The following MACF1 variants were observed in gnomAD, a reference collection of about 807,000 sequenced individuals.
MACF1 encodes the protein microtubule actin crosslinking factor 1, also known as microtubule-actin cross-linking factor 1.
Under a neutral mutation model 854.8 loss-of-function variants are expected in MACF1, and 193 were observed. The observed-to-expected ratio is 0.23, with a 90% CI of 0.20 to 0.25. The LOEUF (loss-of-function observed/expected upper bound fraction) is 0.25, where lower values mean the gene tolerates loss of function less well. MACF1 is among the 10% of genes least tolerant of loss of function. MACF1 has a pLI of 1.00. For missense variants in MACF1, 7,722 were observed against 8,929.1 expected, an observed-to-expected ratio of 0.86 and a Z score of 5.45; for synonymous variants, 3,185 against 3,226.7, an observed-to-expected ratio of 0.99 and a Z score of 0.44.
intron 41 of MACF1, among the ~76,000 whole-genome samples, chr1:39,348,268 A>T (rs1647101963): frequency 6.6e-6 from 1 of 152,224 alleles, no homozygotes; most frequent in Non-Finnish European, 1.5e-5. Context: ...AGCATGATAT[A>T]ACCTTTGGAT....
intron 3 of MACF1, among the ~76,000 whole-genome samples, chr1:39,250,576 A>ATTT: frequency 6.6e-6 from 1 of 151,514 alleles, no homozygotes; most frequent in African/African-American, 2.4e-5. Flanking sequence ...GTATGAAGTT[A>ATTT]TTTTTTTTTC....
rs1344335832 is a variant in MACF1 at position 39,460,060 on chromosome 1, A to G, written c.21361-572A>G. ...GGCCTGCTGTTTTCCATCAAGGCCAAATATTTAACATGGAGGTCAGATGGG... is the reference window on the plus strand; with the variant it reads ...GGCCTGCTGTTTTCCATCAAGGCCAGATATTTAACATGGAGGTCAGATGGG... On this transcript the variant is annotated intron_variant, in intron 91 of 100. Coordinates refer to ENST00000564288, the MANE Select transcript of MACF1 (RefSeq NM_001394062.1). This position sits in a 1 kb window ranked among gnomAD's most constrained non-coding sequence, Gnocchi z 4.1. Among the ~76,000 whole-genome samples the G allele has an allele frequency of 6.6e-6, 1 of 152,226 alleles. No individual in the cohort carries two copies. The highest frequency in any genetic ancestry group is 2.4e-5 in the African/African-American group (1 of 41,450).
At chr1:39,369,571 A>G (rs1249884324) in intron 50 of MACF1, among the ~76,000 whole-genome samples, 1 of 152,182 alleles carries the variant, frequency 6.6e-6, no homozygotes, top group Non-Finnish European at 1.5e-5. Flanking sequence ...TAGTTTATTC[A>G]TTGGCATCAT....
In MACF1 at chr1:39,190,401, G is replaced by GT. The variant is rs71057198; in HGVS notation, c.221-40763dup. On this transcript the variant is annotated intron_variant, in intron 2 of 93. Transcript: ENST00000361689. ...TGTGTGTGTGTGTGTGTTTGTTTTT[G>GT]TTTTTTTTTTTTTTTTTTGATGGAA... 5.5e-3 allele frequency among the ~76,000 whole-genome samples: 587 copies of GT among 105,952 alleles called. 8 individuals are homozygous for GT. The highest frequency in any genetic ancestry group is 0.018 in the South Asian group (58 of 3,152). 69.5% of individuals were successfully genotyped at this position (105,952 alleles called of 152,430 possible).
At chr1:39,435,971 G>T (rs1418629353) in intron 70 of MACF1, 5 of 559,022 alleles carry the variant, frequency 8.9e-6, no homozygotes, top group Admixed American at 6.6e-5. Context: ...ATGAGTCTTG[G>T]CTGGTATATA....
At chr1:39,453,911 A>G in intron 88 of MACF1, 61 bp downstream of exon 88, 2 of 1,527,274 alleles carry the variant, frequency 1.3e-6, no homozygotes, top group Non-Finnish European at 1.8e-6. Context: ...ATAGTATAGT[A>G]TAGTATTTTT....
In MACF1 at chr1:39,400,437, T is replaced by A. The variant is rs191093003; in HGVS notation, c.15816+11779T>A. Reference sequence around the variant, plus strand: ...CACTAGATGATAATATGCTTTTTTTTAAAAAGAAGCTTATCTAGACATATA... The same window carrying A: ...CACTAGATGATAATATGCTTTTTTTAAAAAAGAAGCTTATCTAGACATATA... On this transcript the variant is annotated intron_variant, in intron 58 of 100. Coordinates refer to ENST00000564288, the MANE Select transcript of MACF1 (RefSeq NM_001394062.1). Among the ~76,000 whole-genome samples, 1,350 of 152,240 alleles carry A rather than the reference T, an allele frequency of 8.9e-3. 18 individuals carry two copies. Among genetic ancestry groups the A allele is most frequent in the African/African-American group, 0.029 (1,213 of 41,560 alleles).
At chr1:39,427,312 G>A (rs545509158) in intron 61 of MACF1, 143 bp from the exon 62 acceptor site, 61 of 609,634 alleles carry the variant, frequency 1.0e-4, no homozygotes, top group South Asian at 8.0e-4. Context: ...TTAAAACATC[G>A]AAATGCTACA....
chr1:39,220,392 C>T (rs150565016), intron 1 of MACF1, among the ~76,000 whole-genome samples: 3,022 of 149,956 alleles, frequency 0.02, 108 homozygotes, highest in African/African-American at 0.071. Flanking sequence ...AGGCTGGTCT[C>T]GAACTCCTGA....
chr1:39,412,364 C>T (rs763026210), intron 58 of MACF1: 110 of 1,613,870 alleles, frequency 6.8e-5, no homozygotes, highest in Middle Eastern at 4.9e-4. Context: ...AGTCTGACAT[C>T]AATGGGAAAT....
intron 2 of MACF1, among the ~76,000 whole-genome samples, chr1:39,198,159 C>A (rs1025593566): frequency 6.6e-6 from 1 of 152,130 alleles, no homozygotes; most frequent in African/African-American, 2.4e-5. Flanking sequence ...GATTGTGCCA[C>A]TGCATTCCAG....
chr1:39,410,779 A>G (rs546989876), intron 58 of MACF1: 2 of 1,614,024 alleles, frequency 1.2e-6, no homozygotes, highest in Admixed American at 1.7e-5. Context: ...GAAGGAGTCC[A>G]GTTCTGCATT....
At chr1:39,330,146 C>T (rs1646692423) in intron 36 of MACF1, among the ~76,000 whole-genome samples, 1 of 152,088 alleles carries the variant, frequency 6.6e-6, no homozygotes, top group African/African-American at 2.4e-5. Flanking sequence ...ATTGTACTAC[C>T]CATTCTAGCC....
At chr1:39,450,610 C>CTTTTTTTTT (rs11398407) in intron 84 of MACF1, among the ~76,000 whole-genome samples, 20 of 115,246 alleles carry the variant, frequency 1.7e-4, no homozygotes, top group South Asian at 2.8e-4. Context: ...TACTCTATTT[C>CTTTTTTTTT]TTTTTTTTTT....
intron 58 of MACF1, among the ~76,000 whole-genome samples, chr1:39,396,345 A>T (rs1180929333): frequency 2.0e-5 from 3 of 152,048 alleles, no homozygotes; most frequent in Non-Finnish European, 2.9e-5. Context: ...AGCAACAAAC[A>T]AATATATCTG....
chr1:39,307,944 G>A lies in MACF1; in HGVS notation c.2790-1626G>A, dbSNP rs1346815767. Among the ~76,000 whole-genome samples the A allele has an allele frequency of 1.4e-4, 15 of 110,466 alleles. No homozygotes were observed. In the East Asian group the frequency reaches 2.5e-3, roughly 19 times the overall value. The allele number at this position is 110,466 out of a possible 152,430, so 72.5% of individuals were successfully genotyped here. A position where few individuals can be genotyped will look rare whatever the true frequency, so the allele number is the denominator to read the frequency against. On this transcript the variant is annotated intron_variant, in intron 23 of 100. Transcript: ENST00000564288. ...TTTTGAGATGGAGTCTCGCCGTGTC[G>A]CCCAGGCTAGAGTGCAGTGACGCAA...
chr1:39,261,687 T>G (rs1645165164), intron 6 of MACF1, among the ~76,000 whole-genome samples: 1 of 152,248 alleles, frequency 6.6e-6, no homozygotes, highest in African/African-American at 2.4e-5. Flanking sequence ...TATCATGTAT[T>G]TTGTTTAAAT....
At chr1:39,217,785 G>A (rs944730121) in intron 1 of MACF1, among the ~76,000 whole-genome samples, 2 of 151,816 alleles carry the variant, frequency 1.3e-5, no homozygotes, top group East Asian at 3.9e-4. Flanking sequence ...GGGGTTGGGG[G>A]CGCGGCTGAG....
At chr1:39,094,816 C>T (rs370591620) in intron 2 of MACF1, among the ~76,000 whole-genome samples, 3 of 152,126 alleles carry the variant, frequency 2.0e-5, no homozygotes, top group Non-Finnish European at 2.9e-5. Flanking sequence ...TGCTTGAGCC[C>T]GGGAGGTCAA....
Sources: gnomAD v4.1 joint callset for allele counts (sites outside exome capture counted in the v4.1 genomes callset) on GRCh38, gnomAD v4.1.1 for gene constraint, Gnocchi (gnomAD v3.1) non-coding constraint, MANE v1.5 for transcripts, NCBI Gene and HGNC (gene_info 2026-07-23, HGNC 2026-07-21) for gene names.